POT1: variants seen among roughly 807,000 people sequenced by gnomAD.
POT1 encodes protection of telomeres 1.
In POT1, 47 loss-of-function variants were observed where a neutral mutation model predicts 78.5. The observed-to-expected ratio is 0.60, with a 90% CI of 0.47 to 0.76. The LOEUF is 0.76. POT1 is among the 30% of genes least tolerant of loss of function. POT1 has a pLI of 0.00. For missense variants in POT1, 646 were observed against 749.9 expected, an observed-to-expected ratio of 0.86 and a Z score of 1.62; for synonymous variants, 259 against 260.7, an observed-to-expected ratio of 0.99 and a Z score of 0.06.
intron 15 of POT1, 26 bp from the exon 16 acceptor site, chr7:124,829,368 T>C (rs1794706630): frequency 1.5e-6 from 2 of 1,374,656 alleles, no homozygotes; most frequent in Admixed American, 2.0e-5. Flanking sequence ...GAAAGAACCA[T>C]AAATATTTAA....
rs35184624 is a variant in POT1 at position 124,829,533 on chromosome 7, G to A, written c.1506-191C>T. On this transcript the variant is annotated intron_variant, in intron 15 of 18. Coordinates refer to ENST00000357628, the MANE Select transcript of POT1 (RefSeq NM_015450.3). ...ATGAAAGAGTAAGCTTATTACATAA[G>A]GGCAATAAAAAAGACAGTATAAGAT... 0.4 allele frequency among the ~76,000 whole-genome samples: 60,585 copies of A among 151,684 alleles called. 12,227 individuals carry two copies. The highest frequency in any genetic ancestry group is 0.5 in the East Asian group (2,550 of 5,126).
intron 14 of POT1, chr7:124,837,242 A>G: frequency 3.6e-6 from 1 of 279,664 alleles, no homozygotes; most frequent in Non-Finnish European, 7.1e-6. Context: ...AAGATAAAAT[A>G]CTAAACTAGT....
intron 5 of POT1, among the ~76,000 whole-genome samples, chr7:124,895,689 A>G (rs1434033197): frequency 1.3e-5 from 2 of 151,676 alleles, no homozygotes; most frequent in Non-Finnish European, 3.0e-5. Context: ...ATTGTCTTAG[A>G]AGGTCTATTT....
intron 6 of POT1, among the ~76,000 whole-genome samples, chr7:124,878,368 GAT>G (rs1326908262): frequency 6.6e-6 from 1 of 151,958 alleles, no homozygotes; most frequent in Non-Finnish European, 1.5e-5. Context: ...CTCACCAAAG[GAT>G]ATACAAACTT....
At chr7:124,843,068 AT>A in intron 12 of POT1, 105 bp from the exon 13 acceptor site, 1 of 811,900 alleles carries the variant, frequency 1.2e-6, no homozygotes, top group East Asian at 3.0e-5. Context: ...TTTAAGCTCT[AT>A]TAAGTGTCAC....
intron 13 of POT1, among the ~76,000 whole-genome samples, chr7:124,841,478 T>C (rs976637807): frequency 6.6e-6 from 1 of 151,900 alleles, no homozygotes; most frequent in African/African-American, 2.4e-5. Context: ...CTAGCATCAA[T>C]TTTTTTCTCC....
intron 8 of POT1, among the ~76,000 whole-genome samples, chr7:124,860,824 T>C (rs889115525): frequency 6.6e-6 from 1 of 152,086 alleles, no homozygotes; most frequent in African/African-American, 2.4e-5. Context: ...GTTCTCATTG[T>C]TCAACTCCCA....
At chr7:124,877,526 G>A (rs1348969102) in intron 6 of POT1, among the ~76,000 whole-genome samples, 1 of 151,768 alleles carries the variant, frequency 6.6e-6, no homozygotes, top group Non-Finnish European at 1.5e-5. Flanking sequence ...TGATAAGAAA[G>A]GAGAGGTCCA....
intron 6 of POT1, among the ~76,000 whole-genome samples, chr7:124,888,972 C>T (rs1024413936): frequency 4.6e-5 from 7 of 151,798 alleles, no homozygotes; most frequent in Admixed American, 1.3e-4. Context: ...CCTATAATGG[C>T]CTATAAGTGT....
chr7:124,835,051 C>T (rs1794857006), intron 15 of POT1, among the ~76,000 whole-genome samples: 2 of 152,028 alleles, frequency 1.3e-5, no homozygotes, highest in Admixed American at 1.3e-4. Context: ...AATGAGAACA[C>T]ATGGAGACAG....
intron 14 of POT1, among the ~76,000 whole-genome samples, chr7:124,839,775 C>T (rs561154481): frequency 6.6e-6 from 1 of 152,192 alleles, no homozygotes; most frequent in African/African-American, 2.4e-5. Context: ...TAGCCTCTTC[C>T]CCATTATCAA....
chr7:124,909,923 G>A (rs1261008730), intron 3 of POT1, among the ~76,000 whole-genome samples: 1 of 151,770 alleles, frequency 6.6e-6, no homozygotes, highest in Non-Finnish European at 1.5e-5. Context: ...TCTGATATTC[G>A]ATAGCATGTA....
At chr7:124,829,211 TAAAC>T in intron 16 of POT1, 39 bp downstream of exon 16, 1 of 1,338,800 alleles carries the variant, frequency 7.5e-7, no homozygotes, top group Non-Finnish European at 1.1e-6. Flanking sequence ...AATAACCTTG[TAAAC>T]AAACAGTTAA....
intron 15 of POT1, among the ~76,000 whole-genome samples, chr7:124,829,688 T>G (rs866430359): frequency 2.9e-4 from 43 of 147,726 alleles, no homozygotes; most frequent in African/African-American, 1.0e-3. Flanking sequence ...CTAAGAATTC[T>G]CTGATTCTAT....
intron 8 of POT1, among the ~76,000 whole-genome samples, chr7:124,862,257 T>TAGAATTTAAGAATTTTCTC (rs1422694997): frequency 6.6e-6 from 1 of 152,188 alleles, no homozygotes; most frequent in Admixed American, 6.5e-5. Context: ...CATTTTATCT[T>TAGAATTTAAGAATTTTCTC]AGAATTTAAG....
intron 3 of POT1, among the ~76,000 whole-genome samples, chr7:124,912,801 G>A (rs370484379): frequency 3.9e-5 from 6 of 152,100 alleles, no homozygotes; most frequent in East Asian, 1.9e-4. Context: ...GACTAGCAAG[G>A]TATACTGCAG....
At chr7:124,849,388 T>C (rs1344301947) in intron 11 of POT1, among the ~76,000 whole-genome samples, 1 of 152,142 alleles carries the variant, frequency 6.6e-6, no homozygotes, top group Non-Finnish European at 1.5e-5. Flanking sequence ...TTTGTAAATA[T>C]ATAGTAAGAT....
chr7:124,903,864 C>T (rs1350236458), intron 3 of POT1, among the ~76,000 whole-genome samples: 3 of 152,146 alleles, frequency 2.0e-5, no homozygotes, highest in Non-Finnish European at 4.4e-5. Context: ...GAAATACAAA[C>T]TGCCATCAGA....
At position 124,835,352 on chromosome 7, in the gene POT1, A is replaced by C; in HGVS notation, c.1432T>G (p.Ser478Ala). 1 of 1,614,144 alleles carries C rather than the reference A, an allele frequency of 6.2e-7. No homozygotes were observed. Among genetic ancestry groups the C allele is most frequent in the South Asian group, 1.1e-5 (1 of 91,080 alleles). ...NKFNSVIPVR[S>A]GHEDLELLDL... The stretch of plus-strand genomic sequence containing the variant: ...AAAAGTTCCAGGTCTTCGTGGCCAG[A>C]TCTCACAGGAATTACACTATTAAAC... The change falls in exon 15 of 19, where the codon TCT (serine) becomes GCT (alanine). Residue 478 changes from serine to alanine, a missense_variant. Transcript: ENST00000357628.
Sources: gnomAD v4.1 joint callset for allele counts (sites outside exome capture counted in the v4.1 genomes callset) on GRCh38, gnomAD v4.1.1 for gene constraint, MANE v1.5 for transcripts, NCBI Gene and HGNC (gene_info 2026-07-23, HGNC 2026-07-21) for gene names.